The following UGT1A9 variants were observed in gnomAD, a reference collection of about 807,000 sequenced individuals.
UGT1A9 encodes UDP-glucuronosyltransferase 1A9.
UGT1A9 carries 35 observed loss-of-function variants against 45.0 expected under a neutral mutation model. The ratio of observed to expected loss-of-function variants is 0.78; its 90% CI spans 0.59 to 1.03. The LOEUF (loss-of-function observed/expected upper bound fraction) is 1.03, where lower values mean the gene tolerates loss of function less well. UGT1A9 is among the 50% of genes least tolerant of loss of function. The pLI is 0.00. For missense variants in UGT1A9, 687 were observed against 666.6 expected (o/e 1.03, Z -0.34); for synonymous variants, 278 against 250.6 (o/e 1.11, Z -1.03).
intron 1 of UGT1A9, chr2:233,756,322 A>G (rs1437718635): frequency 6.6e-6 from 1 of 152,226 alleles, no homozygotes; most frequent in Non-Finnish European, 1.5e-5. Flanking sequence ...ATCCTCCTTT[A>G]AACCTCTAGT....
chr2:233,709,457 A>G (rs1559356404), intron 1 of UGT1A9, among the ~76,000 whole-genome samples: 2 of 152,188 alleles, frequency 1.3e-5, no homozygotes, highest in East Asian at 1.9e-4. Flanking sequence ...TTTTAAAGCA[A>G]TCATTTTGGG....
intron 1 of UGT1A9, among the ~76,000 whole-genome samples, chr2:233,696,185 A>G (rs1559348425): frequency 6.6e-6 from 1 of 152,248 alleles, no homozygotes; most frequent in Non-Finnish European, 1.5e-5. Flanking sequence ...TTGAAGAGCT[A>G]TCTGCACTCC....
rs1378929014 is a variant in UGT1A9, at chr2:233,747,451, A to G, written c.856-19583A>G. On this transcript the variant is annotated intron_variant, in intron 1 of 4. Coordinates refer to ENST00000354728, the MANE Select transcript of UGT1A9 (RefSeq NM_021027.3). ...GAGAAATTTTTCACCCTGACAACCT[A>G]TGCCATTTCATGGACCCAGGATGAA... is the stretch of plus-strand genomic sequence containing the variant. 1.7e-4 allele frequency: 273 copies of G among 1,608,716 alleles called. 1 individual carries two copies. The highest frequency in any genetic ancestry group is 3.3e-5 in the Admixed American group (2 of 59,980).
chr2:233,747,176 G>A lies in UGT1A9; in HGVS notation c.856-19858G>A, dbSNP rs762899554. 48 of 1,600,122 alleles carry A rather than the reference G, an allele frequency of 3.0e-5. 1 individual carries two copies. The highest frequency in any genetic ancestry group is 8.1e-5 in the African/African-American group (6 of 74,200). On this transcript the variant is annotated intron_variant, in intron 1 of 4. Coordinates refer to ENST00000354728, the MANE Select transcript of UGT1A9 (RefSeq NM_021027.3). ...AGAAAACAAATGTAGGAGGCACAGCGTGGGGTGGACAGTCAGCTGTCCGTG... is the reference window on the plus strand; with the variant it reads ...AGAAAACAAATGTAGGAGGCACAGCATGGGGTGGACAGTCAGCTGTCCGTG...
At chr2:233,713,588 G>A (rs757953285) in intron 1 of UGT1A9, 87 of 1,613,728 alleles carry the variant, frequency 5.4e-5, no homozygotes, top group Non-Finnish European at 6.6e-5. Context: ...GATTACTAAC[G>A]ACCAATTCAG....
At chr2:233,714,756 T>TA (rs1222737910) in intron 1 of UGT1A9, among the ~76,000 whole-genome samples, 1 of 152,230 alleles carries the variant, frequency 6.6e-6, no homozygotes, top group Non-Finnish European at 1.5e-5. Flanking sequence ...ATTTGACACT[T>TA]ACAGTATATC....
At chr2:233,724,183 G>C (rs1455555189) in intron 1 of UGT1A9, among the ~76,000 whole-genome samples, 1 of 117,596 alleles carries the variant, frequency 8.5e-6, no homozygotes, top group Non-Finnish European at 1.8e-5. Context: ...TCTCCCTCCC[G>C]GACGGGGTGG....
At chr2:233,770,801 A>C (rs1025526475) in intron 4 of UGT1A9, 2 of 152,250 alleles carry the variant, frequency 1.3e-5, no homozygotes, top group African/African-American at 4.8e-5. Flanking sequence ...ATATGTTTAA[A>C]GACAGTGTAT....
chr2:233,758,615 C>CA (rs1696924799), intron 1 of UGT1A9, among the ~76,000 whole-genome samples: 1 of 152,110 alleles, frequency 6.6e-6, no homozygotes, highest in Non-Finnish European at 1.5e-5. Flanking sequence ...TGTGCATGTG[C>CA]ATGCAAAGTA....
At chr2:233,747,840 A>T in intron 1 of UGT1A9, 1 of 1,613,552 alleles carries the variant, frequency 6.2e-7, no homozygotes, top group South Asian at 1.1e-5. Flanking sequence ...ATTCCTGCAA[A>T]GGGTCAAGAA....
chr2:233,750,643 A>G (rs1694525645), intron 1 of UGT1A9: 1 of 149,168 alleles, frequency 6.7e-6, no homozygotes. Flanking sequence ...TGCTGTGTGC[A>G]GCCTCAGGAC....
At chr2:233,700,009 G>A (rs1179705204) in intron 1 of UGT1A9, among the ~76,000 whole-genome samples, 2 of 152,160 alleles carry the variant, frequency 1.3e-5, no homozygotes, top group African/African-American at 2.4e-5. Context: ...AAAATGTCAC[G>A]AGTGCTGAAA....
At chr2:233,711,897 G>A (rs553450118) in intron 1 of UGT1A9, among the ~76,000 whole-genome samples, 2 of 152,310 alleles carry the variant, frequency 1.3e-5, no homozygotes, top group South Asian at 4.1e-4. Context: ...TCTCATGGGC[G>A]TGAGACCATT....
At chr2:233,748,608 C>T (rs1265158966) in intron 1 of UGT1A9, among the ~76,000 whole-genome samples, 3 of 151,644 alleles carry the variant, frequency 2.0e-5, no homozygotes, top group African/African-American at 4.9e-5. Flanking sequence ...AGTAGAGCAA[C>T]GAACGTGGGA....
intron 1 of UGT1A9, among the ~76,000 whole-genome samples, chr2:233,745,359 T>C (rs1693087211): frequency 6.6e-6 from 1 of 151,886 alleles, no homozygotes; most frequent in Admixed American, 6.5e-5. Flanking sequence ...GGGAATTTTT[T>C]TGAGATCTGA....
At chr2:233,695,314 C>T (rs1256525000) in intron 1 of UGT1A9, among the ~76,000 whole-genome samples, 2 of 151,660 alleles carry the variant, frequency 1.3e-5, no homozygotes, top group Non-Finnish European at 2.9e-5. Context: ...TTAGTAGAGG[C>T]GGGGTTTCAC....
At chr2:233,730,124 T>C in intron 1 of UGT1A9, 4 of 1,544,442 alleles carry the variant, frequency 2.6e-6, no homozygotes, top group East Asian at 2.4e-5. Flanking sequence ...CTTGTCATAA[T>C]AGCCTTCAGT....
intron 1 of UGT1A9, chr2:233,754,946 G>C (rs770244493): frequency 2.0e-5 from 27 of 1,327,582 alleles, no homozygotes; most frequent in Non-Finnish European, 2.6e-5. Context: ...AGGAGAATGG[G>C]TCCCGGCCGC....
At chr2:233,726,812 C>T (rs1441076374) in intron 1 of UGT1A9, among the ~76,000 whole-genome samples, 1 of 152,118 alleles carries the variant, frequency 6.6e-6, no homozygotes, top group Non-Finnish European at 1.5e-5. Flanking sequence ...GGAGGTTTTC[C>T]TCTATTCGAC....
Sources: gnomAD v4.1 joint callset for allele counts (sites outside exome capture counted in the v4.1 genomes callset) on GRCh38, gnomAD v4.1.1 for gene constraint, MANE v1.5 for transcripts, NCBI Gene and HGNC (gene_info 2026-07-23, HGNC 2026-07-21) for gene names.